The following TRAM2 variants were observed in gnomAD, a reference collection of about 807,000 sequenced individuals.
The protein encoded by TRAM2 is translocation associated membrane protein 2.
In TRAM2, 12 loss-of-function variants were observed where a neutral mutation model predicts 51.0. The ratio of observed to expected loss-of-function variants is 0.24; its 90% CI spans 0.15 to 0.38. The LOEUF (loss-of-function observed/expected upper bound fraction) is 0.38. Ranked by LOEUF, TRAM2 falls within the 10% of genes least tolerant of loss-of-function variation. TRAM2 has a pLI of 1.00. For synonymous variants in TRAM2, 175 were observed against 179.4 expected (o/e 0.98, Z 0.20); for missense variants, 361 against 462.0 (o/e 0.78, Z 2.00).
intron 1 of TRAM2, among the ~76,000 whole-genome samples, chr6:52,549,963 TTTGA>T (rs757891358): frequency 6.6e-6 from 1 of 152,310 alleles, no homozygotes; most frequent in East Asian, 1.9e-4. Context: ...TTTGCCACCC[TTTGA>T]TTGCCTGTTG....
intron 1 of TRAM2, among the ~76,000 whole-genome samples, chr6:52,571,527 T>C (rs1767681328): frequency 6.6e-6 from 1 of 152,192 alleles, no homozygotes; most frequent in Admixed American, 6.5e-5. Context: ...CAGGGCAGTC[T>C]CCCTGTGGTT....
At chr6:52,568,133 C>T (rs900376458) in intron 1 of TRAM2, among the ~76,000 whole-genome samples, 9 of 152,202 alleles carry the variant, frequency 5.9e-5, no homozygotes, top group African/African-American at 2.2e-4. Context: ...ATGGAAGAAT[C>T]CAGGCCCCTG....
chr6:52,570,422 G>A (rs1002238455), intron 1 of TRAM2, among the ~76,000 whole-genome samples: 7 of 152,136 alleles, frequency 4.6e-5, no homozygotes, highest in African/African-American at 9.7e-5. Flanking sequence ...TAAAGCAGCC[G>A]GTGGCTACAT....
chr6:52,509,698 G>A, intron 4 of TRAM2, 112 bp from the exon 5 acceptor site: 2 of 865,176 alleles, frequency 2.3e-6, no homozygotes, highest in Non-Finnish European at 3.7e-6. Context: ...GACAGAAAGA[G>A]GAAGGAACAG....
chr6:52,517,880 T>C (rs1009606373), intron 2 of TRAM2, among the ~76,000 whole-genome samples: 1 of 152,026 alleles, frequency 6.6e-6, no homozygotes, highest in African/African-American at 2.4e-5. Context: ...ACTGGGAGAA[T>C]GTAACGGTGG....
chr6:52,565,745 T>C (rs544373273), intron 1 of TRAM2, among the ~76,000 whole-genome samples: 1 of 152,340 alleles, frequency 6.6e-6, no homozygotes, highest in East Asian at 1.9e-4. Context: ...AAACTATAGG[T>C]AGATCTCAGT....
intron 8 of TRAM2, 51 bp from the exon 9 acceptor site, chr6:52,505,793 A>G (rs1766336977): frequency 6.4e-7 from 1 of 1,552,262 alleles, no homozygotes. Flanking sequence ...CCTTGAAGGA[A>G]TCTTCACCCA....
At chr6:52,554,435 G>A (rs1320780378) in intron 1 of TRAM2, among the ~76,000 whole-genome samples, 1 of 150,608 alleles carries the variant, frequency 6.6e-6, no homozygotes, top group Admixed American at 6.6e-5. Context: ...CAAGAGAATC[G>A]CTTGAATCCA....
At chr6:52,561,834 C>T (rs1029923461) in intron 1 of TRAM2, among the ~76,000 whole-genome samples, 1 of 151,708 alleles carries the variant, frequency 6.6e-6, no homozygotes, top group Non-Finnish European at 1.5e-5. Context: ...TCTCGAACTC[C>T]CAAGCTCAGG....
chr6:52,554,766 C>CT (rs549322729), intron 1 of TRAM2, among the ~76,000 whole-genome samples: 54,980 of 133,410 alleles, frequency 0.41, 12,117 homozygotes, highest in East Asian at 0.76. Flanking sequence ...AGAGTCAATC[C>CT]TTTTTTTTTT....
At chr6:52,550,310 A>T (rs189814623) in intron 1 of TRAM2, among the ~76,000 whole-genome samples, 85 of 152,274 alleles carry the variant, frequency 5.6e-4, no homozygotes, top group African/African-American at 2.0e-3. Flanking sequence ...CTTCAAGCTT[A>T]GGGATAGCTC....
intron 1 of TRAM2, among the ~76,000 whole-genome samples, chr6:52,536,864 C>T (rs936065461): frequency 6.6e-6 from 1 of 152,148 alleles, no homozygotes; most frequent in South Asian, 2.1e-4. Context: ...CCTCTGGAGA[C>T]ACCTCGTCAA....
chr6:52,554,147 C>T (rs1462132758), intron 1 of TRAM2, among the ~76,000 whole-genome samples: 1 of 152,126 alleles, frequency 6.6e-6, no homozygotes, highest in East Asian at 1.9e-4. Context: ...CTCAATGTTA[C>T]CACCCAGCCC....
chr6:52,561,130 C>CA (rs1005423822), intron 1 of TRAM2, among the ~76,000 whole-genome samples: 1 of 152,130 alleles, frequency 6.6e-6, no homozygotes, highest in Non-Finnish European at 1.5e-5. Context: ...AAGCCAGGTA[C>CA]AAAAAACCAC....
chr6:52,555,607 T>TA (rs1177086745), intron 1 of TRAM2, among the ~76,000 whole-genome samples: 2 of 152,186 alleles, frequency 1.3e-5, no homozygotes, highest in African/African-American at 2.4e-5. Flanking sequence ...AAGCTGCTTT[T>TA]AAAAAAACCA....
intron 1 of TRAM2, among the ~76,000 whole-genome samples, chr6:52,545,876 T>A (rs1363162144): frequency 6.6e-6 from 1 of 151,906 alleles, no homozygotes; most frequent in African/African-American, 2.4e-5. Context: ...TTGCCCCCAC[T>A]CCCACACTCA....
chr6:52,556,159 T>C (rs1767400903), intron 1 of TRAM2, among the ~76,000 whole-genome samples: 1 of 151,356 alleles, frequency 6.6e-6, no homozygotes, highest in African/African-American at 2.4e-5. Context: ...TTGTGGCTCT[T>C]GGGGGAGGGC....
intron 7 of TRAM2, 94 bp downstream of exon 7, chr6:52,507,459 T>G: frequency 7.8e-7 from 1 of 1,278,120 alleles, no homozygotes; most frequent in Non-Finnish European, 1.1e-6. Flanking sequence ...ACACAGAGGA[T>G]GTCAACAAAT....
At chr6:52,524,852 C>T (rs1318679840) in intron 2 of TRAM2, 1 of 152,134 alleles carries the variant, frequency 6.6e-6, no homozygotes, top group Non-Finnish European at 1.5e-5. Context: ...CAGGGTCCCT[C>T]TGTCTCAGTT....
Sources: gnomAD v4.1 joint callset for allele counts (sites outside exome capture counted in the v4.1 genomes callset) on GRCh38, gnomAD v4.1.1 for gene constraint, MANE v1.5 for transcripts, NCBI Gene and HGNC (gene_info 2026-07-23, HGNC 2026-07-21) for gene names.